Variants in CDKAL1 observed in about 807,000 individuals in gnomAD.
The protein encoded by CDKAL1 is threonylcarbamoyladenosine tRNA methylthiotransferase.
A neutral mutation model predicts 68.2 loss-of-function variants in CDKAL1; 32 were observed. The observed-to-expected ratio is 0.47, with a 90% CI of 0.35 to 0.63. The LOEUF is 0.63. Ranked by LOEUF, CDKAL1 falls within the 30% of genes least tolerant of loss-of-function variation. The pLI, the probability that CDKAL1 is intolerant of heterozygous loss-of-function variation, is 0.00. For missense variants in CDKAL1, 606 were observed against 696.7 expected (o/e 0.87, Z 1.47); for synonymous variants, 234 against 244.3 (o/e 0.96, Z 0.39).
intron 4 of CDKAL1, among the ~76,000 whole-genome samples, chr6:20,590,869 C>G (rs1380208516): frequency 6.6e-6 from 1 of 152,122 alleles, no homozygotes; most frequent in Non-Finnish European, 1.5e-5. Context: ...TGGGTGTATA[C>G]CGAGTAATGG....
At chr6:20,817,928 A>G (rs547074643) in intron 8 of CDKAL1, among the ~76,000 whole-genome samples, 3 of 152,260 alleles carry the variant, frequency 2.0e-5, no homozygotes, top group East Asian at 3.9e-4. Context: ...CTGTATTAGC[A>G]TGATTGTAGC....
intron 10 of CDKAL1, among the ~76,000 whole-genome samples, chr6:20,987,666 C>T (rs566959728): frequency 1.5e-4 from 23 of 152,314 alleles, no homozygotes; most frequent in Non-Finnish European, 2.9e-4. Context: ...AATTGATAGG[C>T]ACTTCCATCC....
chr6:20,909,732 A>G (rs945244508), intron 9 of CDKAL1, among the ~76,000 whole-genome samples: 1 of 152,124 alleles, frequency 6.6e-6, no homozygotes, highest in Non-Finnish European at 1.5e-5. Context: ...TGTGCCAGGG[A>G]GGTTGAGAAT....
chr6:20,613,300 A>G (rs2127724826), intron 4 of CDKAL1, among the ~76,000 whole-genome samples: 1 of 84,954 alleles, frequency 1.2e-5, no homozygotes, highest in Non-Finnish European at 2.2e-5. Context: ...TTTGAGACGG[A>G]GTCTCGCTCT....
chr6:20,803,583 C>T (rs1776454452), intron 8 of CDKAL1, among the ~76,000 whole-genome samples: 3 of 152,060 alleles, frequency 2.0e-5, no homozygotes, highest in Admixed American at 2.0e-4. Context: ...AACCTGACAG[C>T]AATTCCAGGA....
rs74751010 is a variant in CDKAL1, at chr6:21,188,223, T to A, written c.1300-9798T>A. 2.6e-3 allele frequency among the ~76,000 whole-genome samples: 398 copies of A among 152,358 alleles called. 5 individuals are homozygous for A. The highest frequency in any genetic ancestry group is 3.2e-4 in the Non-Finnish European group (22 of 68,036). On this transcript the variant is annotated intron_variant, in intron 13 of 15. Transcript: ENST00000274695. ...TATGACAATCTTAATATACTTTTTT[T>A]AATCAGTAGTTAAAAACTTCTCATT...
intron 4 of CDKAL1, among the ~76,000 whole-genome samples, chr6:20,609,916 C>T (rs983325733): frequency 1.3e-5 from 2 of 152,114 alleles, no homozygotes; most frequent in Non-Finnish European, 2.9e-5. Flanking sequence ...TTTTCCTGAT[C>T]GTCTCCCTCC....
In CDKAL1 at chr6:20,776,980, G is replaced by C. The variant is rs74875533; in HGVS notation, c.518-4165G>C. Among the ~76,000 whole-genome samples the C allele has an allele frequency of 4.9e-3, 752 of 152,222 alleles. 5 individuals are homozygous for C. The highest frequency in any genetic ancestry group is 0.017 in the African/African-American group (691 of 41,540). Reference sequence around the variant, plus strand: ...GTCAGGTTCAGTGGAGATTTTGATGGCAAGCAGTAGGGAAGGTCTGCGGCT... The same window carrying C: ...GTCAGGTTCAGTGGAGATTTTGATGCCAAGCAGTAGGGAAGGTCTGCGGCT... On this transcript the variant is annotated intron_variant, in intron 7 of 15. Coordinates refer to ENST00000274695, the MANE Select transcript of CDKAL1 (RefSeq NM_017774.3).
intron 4 of CDKAL1, among the ~76,000 whole-genome samples, chr6:20,634,277 CAA>C (rs370855749): frequency 1.3e-3 from 191 of 152,300 alleles, no homozygotes; most frequent in African/African-American, 4.4e-3. Flanking sequence ...GGGGGACATA[CAA>C]ATTTATGGAT....
intron 9 of CDKAL1, among the ~76,000 whole-genome samples, chr6:20,858,139 G>A (rs753693163): frequency 4.6e-5 from 7 of 152,134 alleles, no homozygotes; most frequent in Admixed American, 1.3e-4. Context: ...GATTACAGGC[G>A]TGAGCTACTG....
intron 13 of CDKAL1, among the ~76,000 whole-genome samples, chr6:21,139,766 G>A (rs1033712130): frequency 3.3e-5 from 5 of 152,080 alleles, no homozygotes; most frequent in Non-Finnish European, 5.9e-5. Context: ...CCTCAGCCCC[G>A]CAAAGTGCTG....
intron 4 of CDKAL1, among the ~76,000 whole-genome samples, chr6:20,608,242 GA>G (rs1766418181): frequency 6.6e-6 from 1 of 152,054 alleles, no homozygotes; most frequent in Admixed American, 6.6e-5. Context: ...TATTTTCATT[GA>G]TTATGAGAGT....
intron 4 of CDKAL1, among the ~76,000 whole-genome samples, chr6:20,593,114 AT>A (rs1194801346): frequency 6.6e-6 from 1 of 152,152 alleles, no homozygotes; most frequent in East Asian, 1.9e-4. Flanking sequence ...CATCAGGGAT[AT>A]TGGTCTGAAA....
intron 4 of CDKAL1, among the ~76,000 whole-genome samples, chr6:20,598,837 A>T (rs1765955471): frequency 6.6e-6 from 1 of 152,110 alleles, no homozygotes; most frequent in Non-Finnish European, 1.5e-5. Context: ...TGTATGTAAC[A>T]AAAAAACTTA....
chr6:20,799,019 C>T (rs1776240126), intron 8 of CDKAL1, among the ~76,000 whole-genome samples: 1 of 128,930 alleles, frequency 7.8e-6, no homozygotes, highest in Admixed American at 8.1e-5. Flanking sequence ...GGCCTGGGCC[C>T]ATATATTTGA....
At chr6:21,012,344 C>T (rs530714340) in intron 11 of CDKAL1, among the ~76,000 whole-genome samples, 107 of 152,280 alleles carry the variant, frequency 7.0e-4, no homozygotes, top group South Asian at 2.3e-3. Context: ...GCCACAGTCA[C>T]CATTTGTCCA....
intron 6 of CDKAL1, among the ~76,000 whole-genome samples, chr6:20,747,930 T>C (rs1280545200): frequency 6.6e-6 from 1 of 152,218 alleles, no homozygotes; most frequent in East Asian, 1.9e-4. Flanking sequence ...AAGATCTTTT[T>C]CCCTATGTTT....
At chr6:20,606,522 C>T (rs1766340354) in intron 4 of CDKAL1, among the ~76,000 whole-genome samples, 1 of 151,910 alleles carries the variant, frequency 6.6e-6, no homozygotes, top group Non-Finnish European at 1.5e-5. Context: ...ATCTCAACAC[C>T]AAAAGAATCA....
intron 4 of CDKAL1, among the ~76,000 whole-genome samples, chr6:20,562,592 A>AG (rs1764309699): frequency 6.6e-6 from 1 of 151,994 alleles, no homozygotes; most frequent in Non-Finnish European, 1.5e-5. Flanking sequence ...TACAAAAAAA[A>AG]TTAATCGGCT....
Sources: gnomAD v4.1 joint callset for allele counts (sites outside exome capture counted in the v4.1 genomes callset) on GRCh38, gnomAD v4.1.1 for gene constraint, MANE v1.5 for transcripts, NCBI Gene and HGNC (gene_info 2026-07-23, HGNC 2026-07-21) for gene names.